Variants in KIF20B observed in about 807,000 individuals in gnomAD.
KIF20B encodes kinesin family member 20B.
KIF20B carries 188 observed loss-of-function variants against 232.5 expected under a neutral mutation model. The observed-to-expected ratio is 0.81, with a 90% CI of 0.72 to 0.91. KIF20B has a LOEUF of 0.91. Ranked by LOEUF, KIF20B falls within the 40% of genes least tolerant of loss-of-function variation. The probability of loss-of-function intolerance (pLI) is 0.00; values close to 1 mark genes in which losing one functional copy is unlikely to be tolerated. For synonymous variants in KIF20B, 712 were observed against 683.0 expected (o/e 1.04, Z -0.66); for missense variants, 2,154 against 2,055.9 (o/e 1.05, Z -0.92).
chr10:89,749,205 A>G (rs1355911951), intron 23 of KIF20B, among the ~76,000 whole-genome samples: 1 of 152,110 alleles, frequency 6.6e-6, no homozygotes, highest in Admixed American at 6.6e-5. Context: ...TCCTTTAGAG[A>G]GAAAATGCTC....
chr10:89,749,857 T>A (rs948851054), intron 23 of KIF20B, among the ~76,000 whole-genome samples: 30 of 152,170 alleles, frequency 2.0e-4, no homozygotes, highest in African/African-American at 6.8e-4. Flanking sequence ...TGGGTAAACT[T>A]ATAGTTTTAA....
At chr10:89,739,215 T>C in intron 21 of KIF20B, 119 bp downstream of exon 21, 1 of 1,127,322 alleles carries the variant, frequency 8.9e-7, no homozygotes, top group Non-Finnish European at 1.2e-6. Context: ...TAATTTTTCT[T>C]AAAATTACAA....
intron 2 of KIF20B, among the ~76,000 whole-genome samples, chr10:89,706,066 C>T (rs1842716970): frequency 6.6e-6 from 1 of 152,138 alleles, no homozygotes; most frequent in African/African-American, 2.4e-5. Flanking sequence ...ATAAGTTTAA[C>T]TTTATAAGTA....
rs71022581 is a variant in KIF20B at position 89,728,905 on chromosome 10, TTGTGTGTGTG to T, written c.2272-189_2272-180del. Among the ~76,000 whole-genome samples, 972 of 138,110 alleles carry T rather than the reference TTGTGTGTGTG, an allele frequency of 7.0e-3. 8 individuals are homozygous for T. Among genetic ancestry groups the T allele is most frequent in the East Asian group, 0.035 (171 of 4,836 alleles). 90.6% of individuals were successfully genotyped at this position (138,110 alleles called of 152,430 possible). A position where few individuals can be genotyped will look rare whatever the true frequency, so the allele number is the denominator to read the frequency against. ...ATATGCTATATAGCTTCTTTTTTCT[TTGTGTGTGTG>T]TGTGTGTGTGTGTGTGTGTGTGTGT... is the stretch of plus-strand genomic sequence containing the variant. On this transcript the variant is annotated intron_variant, in intron 17 of 32. Transcript: ENST00000371728.
chr10:89,720,743 T>C (rs1487116886), intron 13 of KIF20B, among the ~76,000 whole-genome samples: 2 of 152,216 alleles, frequency 1.3e-5, no homozygotes, highest in East Asian at 3.8e-4. Flanking sequence ...TCTTGCCCTG[T>C]TGCCCAGGCT....
intron 8 of KIF20B, 46 bp from the exon 9 acceptor site, chr10:89,716,390 T>G: frequency 1.2e-6 from 1 of 822,408 alleles, no homozygotes; most frequent in Non-Finnish European, 1.9e-6. Flanking sequence ...GTAGAACACA[T>G]TCTTTGTCTC....
intron 15 of KIF20B, among the ~76,000 whole-genome samples, 165 bp from the exon 16 acceptor site, chr10:89,726,128 G>A (rs1219803042): frequency 6.6e-6 from 1 of 152,078 alleles, no homozygotes; most frequent in Non-Finnish European, 1.5e-5. Context: ...ATAAATAATG[G>A]AACACAGGTT....
intron 18 of KIF20B, among the ~76,000 whole-genome samples, chr10:89,732,365 C>A (rs1008650626): frequency 6.6e-6 from 1 of 152,006 alleles, no homozygotes; most frequent in Non-Finnish European, 1.5e-5. Context: ...TTGAGTAATC[C>A]TCCGGCCTCA....
At chr10:89,718,936 A>G in intron 12 of KIF20B, 64 bp downstream of exon 12, 2 of 1,039,086 alleles carry the variant, frequency 1.9e-6, no homozygotes, top group Non-Finnish European at 1.4e-6. Flanking sequence ...TGAAATAAAT[A>G]TTTTTTACTT....
intron 32 of KIF20B, 35 bp from the exon 33 acceptor site, chr10:89,773,936 C>A (rs771917047): frequency 4.8e-6 from 6 of 1,249,912 alleles, no homozygotes; most frequent in Non-Finnish European, 6.8e-6. Flanking sequence ...TTTTCACTTA[C>A]AAGCTTTGAA....
intron 19 of KIF20B, among the ~76,000 whole-genome samples, chr10:89,733,553 A>G (rs1302153862): frequency 6.6e-6 from 1 of 152,200 alleles, no homozygotes; most frequent in Non-Finnish European, 1.5e-5. Context: ...AAAATCTTTA[A>G]TAGTAACTGG....
At chr10:89,763,851 TTAA>T (rs1257043651) in intron 29 of KIF20B, among the ~76,000 whole-genome samples, 8 of 148,118 alleles carry the variant, frequency 5.4e-5, no homozygotes, top group African/African-American at 2.0e-4. Flanking sequence ...ATAGTTACTA[TTAA>T]TATTTATTAA....
chr10:89,703,737 G>A (rs1287243698), intron 1 of KIF20B, among the ~76,000 whole-genome samples: 2 of 148,364 alleles, frequency 1.3e-5, no homozygotes, highest in African/African-American at 5.0e-5. Flanking sequence ...TGACTTTGGC[G>A]CCCCAGCAGG....
In KIF20B at chr10:89,748,033, G is replaced by A. The variant is rs189663318; in HGVS notation, c.4096+2074G>A. ...AAATTACTTTTTTCTTTTTGAGACG[G>A]AGATTCGCTCTTGTCATCCAGGCTG... On this transcript the variant is annotated intron_variant, in intron 23 of 32. Transcript: ENST00000371728. Among the ~76,000 whole-genome samples, 482 of 152,242 alleles carry A rather than the reference G, an allele frequency of 3.2e-3. 4 individuals carry two copies. The highest frequency in any genetic ancestry group is 0.011 in the African/African-American group (449 of 41,542).
chr10:89,740,443 ACT>A (rs902699292), intron 21 of KIF20B, among the ~76,000 whole-genome samples: 6 of 151,624 alleles, frequency 4.0e-5, no homozygotes, highest in Middle Eastern at 3.4e-3. Flanking sequence ...CAAGTGGGAC[ACT>A]CTCTGAACCT....
At chr10:89,743,783 T>A (rs201287953) in intron 21 of KIF20B, 25 bp from the exon 22 acceptor site, 17 of 1,351,930 alleles carry the variant, frequency 1.3e-5, no homozygotes, top group Non-Finnish European at 1.6e-5. Flanking sequence ...AATATTCCAT[T>A]TGTTTTATAA....
At chr10:89,720,813 C>T (rs1843040247) in intron 13 of KIF20B, among the ~76,000 whole-genome samples, 1 of 152,318 alleles carries the variant, frequency 6.6e-6, no homozygotes, top group South Asian at 2.1e-4. Flanking sequence ...TCAAGCGATT[C>T]TCCTGCCTCA....
chr10:89,702,407 T>C (rs1052883077), intron 1 of KIF20B, among the ~76,000 whole-genome samples: 4 of 152,262 alleles, frequency 2.6e-5, no homozygotes, highest in Admixed American at 6.5e-5. Flanking sequence ...AGTTCTCTTA[T>C]ATTTCTTGCT....
At chr10:89,750,809 G>A (rs1842006753) in intron 23 of KIF20B, among the ~76,000 whole-genome samples, 1 of 151,964 alleles carries the variant, frequency 6.6e-6, no homozygotes, top group South Asian at 2.1e-4. Context: ...TGAGGAGCTG[G>A]TTTTAAATAA....
Sources: gnomAD v4.1 joint callset for allele counts (sites outside exome capture counted in the v4.1 genomes callset) on GRCh38, gnomAD v4.1.1 for gene constraint, MANE v1.5 for transcripts, NCBI Gene and HGNC (gene_info 2026-07-23, HGNC 2026-07-21) for gene names.